SHISA9: variants seen among roughly 807,000 people sequenced by gnomAD.
SHISA9 encodes shisa family member 9.
SHISA9 carries 13 observed loss-of-function variants against 38.0 expected under a neutral mutation model. The ratio of observed to expected loss-of-function variants is 0.34; its 90% CI spans 0.22 to 0.54. The LOEUF (loss-of-function observed/expected upper bound fraction) is 0.54. Ranked by LOEUF, SHISA9 falls within the 20% of genes least tolerant of loss-of-function variation. The pLI, the probability that SHISA9 is intolerant of heterozygous loss-of-function variation, is 0.91. For synonymous variants in SHISA9, 275 were observed against 242.0 expected, an observed-to-expected ratio of 1.14 and a Z score of -1.27; for missense variants, 538 against 575.8, an observed-to-expected ratio of 0.93 and a Z score of 0.67.
the SHISA9 span, among the ~76,000 whole-genome samples, chr16:13,534,241 T>G: frequency 1.3e-4 from 20 of 151,468 alleles, no homozygotes; most frequent in Admixed American, 3.9e-4. Context: ...TTTTTTTTTT[T>G]TGTGACAGAG....
the SHISA9 span, among the ~76,000 whole-genome samples, chr16:13,473,238 C>A: frequency 7.6e-4 from 115 of 152,174 alleles, no homozygotes; most frequent in East Asian, 0.019. Flanking sequence ...GGGCTATTTT[C>A]CATTACCAAG....
At chr16:13,513,888 A>T in the SHISA9 span, among the ~76,000 whole-genome samples, 1 of 152,214 alleles carries the variant, frequency 6.6e-6, no homozygotes, top group Admixed American at 6.5e-5. Context: ...GCAGGGCTTA[A>T]AACTTAGAAG....
chr16:13,556,040 G>C, the SHISA9 span, among the ~76,000 whole-genome samples: 1 of 152,160 alleles, frequency 6.6e-6, no homozygotes, highest in Non-Finnish European at 1.5e-5. Flanking sequence ...TACAGATGTA[G>C]ATGAGATGAG....
At chr16:12,993,892 G>A (rs1182725466) in intron 2 of SHISA9, among the ~76,000 whole-genome samples, 3 of 152,122 alleles carry the variant, frequency 2.0e-5, no homozygotes, top group Non-Finnish European at 4.4e-5. Context: ...TCCAGGCAGA[G>A]GGAATGGCTG....
At chr16:13,358,940 A>G in the SHISA9 span, among the ~76,000 whole-genome samples, 899 of 152,336 alleles carry the variant, frequency 5.9e-3, 14 homozygotes, top group African/African-American at 0.021. Flanking sequence ...TGTGTATGGT[A>G]CTGAACTTAG....
At chr16:13,105,085 TAAA>T (rs759959091) in intron 2 of SHISA9, among the ~76,000 whole-genome samples, 33 of 152,146 alleles carry the variant, frequency 2.2e-4, no homozygotes, top group Non-Finnish European at 4.1e-4. Flanking sequence ...AATATAATAA[TAAA>T]CAATAAAATA....
chr16:13,184,153 C>G lies in SHISA9; in HGVS notation c.692-19241C>G, dbSNP rs556565400. Among the ~76,000 whole-genome samples the G allele has an allele frequency of 4.6e-5, 7 of 152,260 alleles. No homozygotes were observed. The South Asian group carries it at 1.0e-3, about 23-fold the overall frequency. ...GTAGCTGCCTCACTAAATTGAGAAG[C>G]CAGATGGTTTGGGAAGAGGCAGGAT... On this transcript the variant is annotated intron_variant, in intron 2 of 4. Transcript: ENST00000558583.
the SHISA9 span, among the ~76,000 whole-genome samples, chr16:13,476,874 G>A: frequency 8.8e-4 from 129 of 146,618 alleles, no homozygotes; most frequent in African/African-American, 3.1e-3. Flanking sequence ...TCAGCCTCCC[G>A]AGTAGCTGGG....
At chr16:13,208,237 T>C (rs1038759443) in intron 3 of SHISA9, among the ~76,000 whole-genome samples, 2 of 152,150 alleles carry the variant, frequency 1.3e-5, no homozygotes, top group African/African-American at 4.8e-5. Flanking sequence ...GTTATTAGAA[T>C]GCCTTAAACA....
chr16:13,281,989 G>T, the SHISA9 span, among the ~76,000 whole-genome samples: 7 of 151,568 alleles, frequency 4.6e-5, no homozygotes, highest in African/African-American at 1.5e-4. Context: ...TATTCAGTCA[G>T]TGCTAAGAGA....
intron 2 of SHISA9, among the ~76,000 whole-genome samples, chr16:13,087,204 C>T (rs1044124020): frequency 1.4e-5 from 2 of 138,980 alleles, no homozygotes; most frequent in African/African-American, 5.4e-5. Flanking sequence ...ATACGTGCCA[C>T]ATTTTCTTAA....
At chr16:13,546,334 T>A in the SHISA9 span, among the ~76,000 whole-genome samples, 13 of 152,222 alleles carry the variant, frequency 8.5e-5, no homozygotes, top group Admixed American at 5.2e-4. Flanking sequence ...TGCAAATCAG[T>A]TTTGCATGTT....
chr16:12,923,897 C>A (rs181443697), intron 2 of SHISA9, among the ~76,000 whole-genome samples: 1 of 152,086 alleles, frequency 6.6e-6, no homozygotes, highest in East Asian at 1.9e-4. Context: ...AATAGAGGAT[C>A]CAGGATTCAA....
chr16:13,430,902 G>A, the SHISA9 span, among the ~76,000 whole-genome samples: 1 of 143,570 alleles, frequency 7.0e-6, no homozygotes, highest in Non-Finnish European at 1.5e-5. Context: ...CTGGGCAACA[G>A]ACCTAGTTTC....
chr16:13,270,453 G>A, the SHISA9 span, among the ~76,000 whole-genome samples: 3 of 152,100 alleles, frequency 2.0e-5, no homozygotes, highest in Admixed American at 6.6e-5. Flanking sequence ...GAGTGAGGAA[G>A]GAAAAGAGAA....
chr16:13,471,897 A>G, the SHISA9 span, among the ~76,000 whole-genome samples: 1 of 152,230 alleles, frequency 6.6e-6, no homozygotes, highest in Non-Finnish European at 1.5e-5. Flanking sequence ...GGACAAAGAA[A>G]GACTGACCAT....
chr16:12,967,992 C>G (rs1212068310), intron 2 of SHISA9, among the ~76,000 whole-genome samples: 2 of 151,958 alleles, frequency 1.3e-5, no homozygotes, highest in African/African-American at 2.4e-5. Flanking sequence ...GAGTTCAAGA[C>G]CAGCCTGGCC....
At chr16:13,091,231 A>G (rs1235055426) in intron 2 of SHISA9, among the ~76,000 whole-genome samples, 6 of 152,032 alleles carry the variant, frequency 3.9e-5, no homozygotes, top group African/African-American at 2.4e-5. Context: ...TGCCCTTAAC[A>G]CTTTTTCCTT....
intron 2 of SHISA9, among the ~76,000 whole-genome samples, chr16:13,165,942 C>T (rs147489498): frequency 5.8e-4 from 89 of 152,262 alleles, no homozygotes; most frequent in African/African-American, 2.0e-3. Flanking sequence ...TCAGTATAAC[C>T]TTTAAGAAAA....
Sources: gnomAD v4.1 joint callset for allele counts (sites outside exome capture counted in the v4.1 genomes callset) on GRCh38, gnomAD v4.1.1 for gene constraint, MANE v1.5 for transcripts, NCBI Gene and HGNC (gene_info 2026-07-23, HGNC 2026-07-21) for gene names.